Variants in TP73 observed in about 807,000 individuals in gnomAD.
The protein encoded by TP73 is tumor protein p73.
In TP73, 25 loss-of-function variants were observed where a neutral mutation model predicts 62.5. That is an observed-to-expected ratio of 0.40 (90% CI 0.29 to 0.56). TP73 has a LOEUF of 0.56. TP73 is among the 20% of genes least tolerant of loss of function. The pLI, the probability that TP73 is intolerant of heterozygous loss-of-function variation, is 0.46. For missense variants in TP73, 754 were observed against 913.3 expected (o/e 0.83, Z 2.25); for synonymous variants, 423 against 377.5 (o/e 1.12, Z -1.40).
intron 3 of TP73, among the ~76,000 whole-genome samples, chr1:3,686,430 G>A (rs1455116794): frequency 6.6e-6 from 1 of 152,196 alleles, no homozygotes; most frequent in African/African-American, 2.4e-5. Context: ...ACAGGGGGTA[G>A]GAGCCCAGAG....
intron 7 of TP73, 27 bp from the exon 8 acceptor site, chr1:3,727,601 A>T: frequency 6.3e-7 from 1 of 1,586,310 alleles, no homozygotes; most frequent in South Asian, 1.1e-5. Flanking sequence ...GGTTGAGCTC[A>T]CAATTCTGGC....
chr1:3,730,934 G>T lies in TP73; in HGVS notation c.1353G>T (p.Gly451=), dbSNP rs771251245. 8 of 1,605,850 alleles carry T rather than the reference G, an allele frequency of 5.0e-6. No homozygotes were observed. The highest frequency in any genetic ancestry group is 6.8e-6 in the Non-Finnish European group (8 of 1,176,760). The part of the protein sequence containing the change: ...ATPNLGPVGP[G]MLNNHGHAVP... ...CACCTGCCTCTCACCCAGGCCCCGG[G>T]ATGCTCAACAACCATGGCCACGCAG... Residue 451 remains glycine (G), a synonymous_variant, in exon 12 of 14, where the codon GGG becomes GGT. Transcript: ENST00000378295.
chr1:3,718,222 G>A (rs566296975), intron 4 of TP73, among the ~76,000 whole-genome samples: 2 of 152,286 alleles, frequency 1.3e-5, no homozygotes, highest in South Asian at 2.1e-4. Context: ...GGGGCGGGGC[G>A]GGGCGGGGCA....
intron 4 of TP73, among the ~76,000 whole-genome samples, chr1:3,709,455 G>C (rs769895088): frequency 2.0e-5 from 3 of 152,238 alleles, no homozygotes; most frequent in Non-Finnish European, 4.4e-5. Context: ...TGGCCAGCAC[G>C]GTGCTTAGCT....
At chr1:3,678,746 T>C (rs1440993645) in intron 1 of TP73, among the ~76,000 whole-genome samples, 2 of 151,964 alleles carry the variant, frequency 1.3e-5, no homozygotes, top group Non-Finnish European at 2.9e-5. Flanking sequence ...AGGCTCTTCA[T>C]GACTCCCCTG....
Position 3,699,666 on chromosome 1 carries a change from G to A in TP73, c.187-7883G>A, listed in dbSNP as rs1429541391. 3.3e-5 allele frequency among the ~76,000 whole-genome samples: 5 copies of A among 152,198 alleles called. No homozygotes were observed. Among genetic ancestry groups the A allele is most frequent in the Admixed American group, 6.5e-5 (1 of 15,280 alleles). On this transcript the variant is annotated intron_variant, in intron 3 of 13. Coordinates refer to ENST00000378295, the MANE Select transcript of TP73 (RefSeq NM_005427.4). The surrounding 1 kb of genome is among the most constrained non-coding windows in gnomAD (Gnocchi z 4.1). ...TGTCTCTGCCCCGTCTGGAGCTCCC[G>A]GTTCCTGTCCTAGTTGAACAGAATG...
chr1:3,719,739 C>A (rs1640901434), intron 4 of TP73, among the ~76,000 whole-genome samples: 1 of 150,706 alleles, frequency 6.6e-6, no homozygotes, highest in Admixed American at 6.5e-5. Context: ...TCAGTGGTCA[C>A]CTCCAGGGAA....
rs1164973910 is a variant in TP73, at chr1:3,662,004, A to G, written c.-34+9363A>G. The G allele has an allele frequency of 1.3e-5, 2 of 150,978 alleles. No homozygotes were observed. Among genetic ancestry groups the G allele is most frequent in the Non-Finnish European group, 3.0e-5 (2 of 67,794 alleles). The allele number at this position is 150,978 out of a possible 1,614,324, so 9.4% of individuals were successfully genotyped here. A position where few individuals can be genotyped will look rare whatever the true frequency, so the allele number is the denominator to read the frequency against. ...AAGCCCAGGAGTTGAGGCTGCGATGAACTATGATGGTGCCACTGCACTCTA... is the reference window on the plus strand; with the variant it reads ...AAGCCCAGGAGTTGAGGCTGCGATGGACTATGATGGTGCCACTGCACTCTA... On this transcript the variant is annotated intron_variant, in intron 1 of 13. Transcript: ENST00000378295. The surrounding 1 kb of genome is among the most constrained non-coding windows in gnomAD (Gnocchi z 4.4).
Position 3,699,120 on chromosome 1 carries a change from C to T in TP73, c.187-8429C>T, listed in dbSNP as rs1638935159. ...ATGAGAGCAGAGGGTGCTGTGTGCA[C>T]ATTGTCGGGAGAGGGAGGCTTCCCC... On this transcript the variant is annotated intron_variant, in intron 3 of 13. Transcript: ENST00000378295. This position sits in a 1 kb window ranked among gnomAD's most constrained non-coding sequence, Gnocchi z 4.1. Among the ~76,000 whole-genome samples, 1 of 150,116 alleles carries T rather than the reference C, an allele frequency of 6.7e-6. No homozygotes were observed.
chr1:3,698,239 CT>C (rs1274282562), intron 3 of TP73: 1 of 520,328 alleles, frequency 1.9e-6, no homozygotes, highest in Admixed American at 6.4e-5. Flanking sequence ...CTCTGGGGTG[CT>C]GGCAGCAGGG....
intron 3 of TP73, among the ~76,000 whole-genome samples, chr1:3,697,159 C>T (rs1483731665): frequency 9.3e-6 from 1 of 107,648 alleles, no homozygotes; most frequent in Non-Finnish European, 2.1e-5. Flanking sequence ...GGGCCCACCT[C>T]GCACCCGCGG....
intron 1 of TP73, among the ~76,000 whole-genome samples, chr1:3,655,084 A>G (rs574477178): frequency 6.6e-6 from 1 of 152,344 alleles, no homozygotes; most frequent in South Asian, 2.1e-4. Context: ...AGTCAGAAAA[A>G]GTCTTCAAAA....
At chr1:3,726,056 G>A (rs1490187282) in intron 6 of TP73, among the ~76,000 whole-genome samples, 1 of 86,324 alleles carries the variant, frequency 1.2e-5, no homozygotes, top group Non-Finnish European at 2.5e-5. Context: ...TGGAGTGGGT[G>A]GGTGGGTGGG....
chr1:3,722,966 C>T (rs1158637693), intron 5 of TP73, among the ~76,000 whole-genome samples: 2 of 143,888 alleles, frequency 1.4e-5, no homozygotes, highest in Non-Finnish European at 3.0e-5. Context: ...GTGCCTGGCA[C>T]AGGGCTGGGC....
rs745542298 is a variant in TP73 at position 3,732,781 on chromosome 1, G to A, written c.1613G>A (p.Arg538His). The change falls in exon 14 of 14, where the codon CGC becomes CAC. Residue 538 changes from arginine (R) to histidine (H), a missense_variant. Around this residue, in one of 3 missense-constraint regions of TP73, gnomAD observed 458 missense variants for 528.7 expected, o/e 0.87. Coordinates refer to ENST00000378295, the MANE Select transcript of TP73 (RefSeq NM_005427.4). ...GCCCTGAAGATCCCCGAGCAGTACC[G>A]CATGACCATCTGGCGGGGCCTGCAG... Reference protein sequence around the residue: ...LGALKIPEQYRMTIWRGLQDL... With the variant: ...LGALKIPEQYHMTIWRGLQDL... 22 of 1,600,330 alleles carry A rather than the reference G, an allele frequency of 1.4e-5. No individual in the cohort carries two copies. The highest frequency in any genetic ancestry group is 5.4e-5 in the African/African-American group (4 of 74,686).
chr1:3,677,401 T>C (rs951483167), intron 1 of TP73, among the ~76,000 whole-genome samples: 2 of 152,162 alleles, frequency 1.3e-5, no homozygotes, highest in African/African-American at 4.8e-5. Context: ...GGGACTTGTC[T>C]GAGGCCTCAT....
At chr1:3,707,504 T>C in intron 3 of TP73, 45 bp from the exon 4 acceptor site, 1 of 1,581,866 alleles carries the variant, frequency 6.3e-7, no homozygotes, top group Non-Finnish European at 8.6e-7. Flanking sequence ...ACAGGACGAC[T>C]GACTGTGTGT....
chr1:3,726,983 G>C (rs1470480910), intron 6 of TP73, 132 bp from the exon 7 acceptor site: 2 of 631,152 alleles, frequency 3.2e-6, no homozygotes, highest in Non-Finnish European at 5.4e-6. Context: ...TATACAAATG[G>C]CAACAACTAT....
At chr1:3,698,565 G>T (rs1001259429) in intron 3 of TP73, among the ~76,000 whole-genome samples, 1 of 152,188 alleles carries the variant, frequency 6.6e-6, no homozygotes, top group Non-Finnish European at 1.5e-5. Flanking sequence ...AGCGGGATCC[G>T]GGAGGCAGGG....
Sources: gnomAD v4.1 joint callset for allele counts (sites outside exome capture counted in the v4.1 genomes callset) on GRCh38, gnomAD v4.1.1 for gene constraint, gnomAD v4.1.1 regional missense constraint, Gnocchi (gnomAD v3.1) non-coding constraint, MANE v1.5 for transcripts, NCBI Gene and HGNC (gene_info 2026-07-23, HGNC 2026-07-21) for gene names.